Variants in CRNKL1 observed in about 807,000 individuals in gnomAD.
The protein encoded by CRNKL1 is crooked neck pre-mRNA splicing factor 1.
CRNKL1 carries 35 observed loss-of-function variants against 103.7 expected under a neutral mutation model. The observed-to-expected ratio is 0.34, with a 90% confidence interval of 0.26 to 0.45. The LOEUF is 0.45. CRNKL1 is among the 20% of genes least tolerant of loss of function. CRNKL1 has a pLI of 1.00. For synonymous variants in CRNKL1, 267 were observed against 282.6 expected (o/e 0.94, Z 0.55); for missense variants, 645 against 836.0 (o/e 0.77, Z 2.82).
At position 20,052,275 on chromosome 20, in the gene CRNKL1, C is replaced by T. The variant is rs1830985066; in HGVS notation, c.51+17G>A. The T allele has an allele frequency of 3.1e-6, 5 of 1,599,598 alleles. 1 individual carries two copies. Among genetic ancestry groups the T allele is most frequent in the African/African-American group, 1.3e-5 (1 of 74,818 alleles). On this transcript the variant is annotated intron_variant, in intron 1 of 13. Transcript: ENST00000536226. Reference sequence around the variant, plus strand: ...TTTCCTAGGCCACCTCCTACAAGGCCCCTCGCGATCGCCTACCTTGGCCAC... The same window carrying T: ...TTTCCTAGGCCACCTCCTACAAGGCTCCTCGCGATCGCCTACCTTGGCCAC...
Position 20,038,356 on chromosome 20 carries a change from TG to T in CRNKL1, c.1639del (p.His547MetfsTer21). 6.5e-7 allele frequency: 1 copy of T among 1,546,636 alleles called. No homozygotes were observed. Among genetic ancestry groups the T allele is most frequent in the Non-Finnish European group, 8.8e-7 (1 of 1,142,360 alleles). On this transcript the variant is annotated frameshift_variant, in exon 12 of 14. Coordinates refer to ENST00000536226, the MANE Select transcript of CRNKL1 (RefSeq NM_001278628.2). LOFTEE classifies it high-confidence loss of function. ...TCTACAAAGCAAGGATACCTTGACATGCTGCGTCCGTTGAAGCAACCGCCGG... is the reference window on the plus strand; with the variant it reads ...TCTACAAAGCAAGGATACCTTGACATCTGCGTCCGTTGAAGCAACCGCCGG... ...LYRRLLQRTQ[H>X]VKVWISFAQF...
chr20:20,052,726 C>T (rs762528371), upstream of CRNKL1: 88 of 1,600,920 alleles, frequency 5.5e-5, no homozygotes, highest in South Asian at 9.3e-4. Context: ...TGGCGCCCTG[C>T]AAGGGAGTAA....
chr20:20,054,009 G>GTTTTGTTTTGTT (rs1491456523), upstream of CRNKL1, among the ~76,000 whole-genome samples: 28 of 88,854 alleles, frequency 3.2e-4, no homozygotes, highest in South Asian at 7.3e-4. Context: ...TGTTTTTTTT[G>GTTTTGTTTTGTT]TTTGTTTTTT....
At chr20:20,043,089 G>A (rs1393616814) in intron 7 of CRNKL1, among the ~76,000 whole-genome samples, 3 of 152,188 alleles carry the variant, frequency 2.0e-5, no homozygotes, top group East Asian at 1.9e-4. Context: ...AAGAGATGCC[G>A]ATGGAACCCT....
intron 7 of CRNKL1, among the ~76,000 whole-genome samples, chr20:20,042,857 CG>C (rs1302139036): frequency 1.3e-5 from 2 of 152,204 alleles, no homozygotes; most frequent in Admixed American, 1.3e-4. Context: ...ACAACAGAAT[CG>C]TATCATGCTC....
chr20:20,052,594 G>C, upstream of CRNKL1: 1 of 1,613,834 alleles, frequency 6.2e-7, no homozygotes, highest in Non-Finnish European at 8.5e-7. Flanking sequence ...CGGATGAGGT[G>C]GGTAACGCCG....
At chr20:20,040,933 C>G (rs781760677) in intron 9 of CRNKL1, among the ~76,000 whole-genome samples, 167 bp from the exon 10 acceptor site, 1 of 152,182 alleles carries the variant, frequency 6.6e-6, no homozygotes, top group Non-Finnish European at 1.5e-5. Flanking sequence ...ACATTCATTT[C>G]ACAAAAGTTA....
In CRNKL1 at chr20:20,037,475, G is replaced by C. The variant is rs2043439447; in HGVS notation, c.1744C>G (p.Arg582Gly). 5 of 1,614,036 alleles carry C rather than the reference G, an allele frequency of 3.1e-6. No homozygotes were observed. In the South Asian group the frequency reaches 4.4e-5, roughly 14 times the overall value. The change falls in exon 13 of 14, where the codon CGA becomes GGA. Residue 582 changes from arginine to glycine, a missense_variant. By Grantham distance (125) the Arg-to-Gly change is moderately radical (BLOSUM62 -2). Transcript: ENST00000536226. ...CTCTCTTCCTTTTCTTCACAGTTTC[G>C]CATGGTTTTGTTAGCTTCTTCATAA... ...QIYEEANKTM[R>G]NCEEKEERLM...
At chr20:20,039,549 A>T (rs200813906) in intron 11 of CRNKL1, 60 bp downstream of exon 11, 8 of 1,591,052 alleles carry the variant, frequency 5.0e-6, no homozygotes, top group Non-Finnish European at 6.9e-6. Context: ...TTAGATGGTC[A>T]TCTAAAGTAA....
upstream of CRNKL1, chr20:20,052,700 T>A (rs1312577168): frequency 5.0e-6 from 8 of 1,611,714 alleles, no homozygotes; most frequent in Non-Finnish European, 6.8e-6. Context: ...CGAGGACGAG[T>A]GGCTCTGTCG....
At chr20:20,055,795 T>C (rs2044277178), upstream of CRNKL1, among the ~76,000 whole-genome samples, 1 of 152,222 alleles carries the variant, frequency 6.6e-6, no homozygotes, top group African/African-American at 2.4e-5. Flanking sequence ...ACATTATTAA[T>C]TTCTCCTTCA....
rs1297579193 is a variant in CRNKL1, at chr20:20,045,475, G to A, written c.634C>T (p.His212Tyr). Residue 212 changes from histidine (H) to tyrosine (Y), a missense_variant, in exon 6 of 14, where the codon CAC (histidine) becomes TAC (tyrosine). By Grantham distance (83) the His-to-Tyr change is moderately conservative. This residue lies in a region of CRNKL1 where 582 missense variants were observed against 707.7 expected (regional missense o/e 0.82). Coordinates refer to ENST00000536226, the MANE Select transcript of CRNKL1 (RefSeq NM_001278628.2). Reference sequence around the variant, plus strand: ...TTGATCCAGTTCTTAACATCAGGGTGCACGAGGACAAGTGCAAGGGAATTA... The same window carrying A: ...TTGATCCAGTTCTTAACATCAGGGTACACGAGGACAAGTGCAAGGGAATTA... ...RTIYERFVLV[H>Y]PDVKNWIKYA... 1 of 1,607,230 alleles carries A rather than the reference G, an allele frequency of 6.2e-7. No homozygotes were observed. Among genetic ancestry groups the A allele is most frequent in the Non-Finnish European group, 8.5e-7 (1 of 1,176,644 alleles).
At chr20:20,054,031 T>TTTTTTTTTTTTTG (rs2044052317), upstream of CRNKL1, among the ~76,000 whole-genome samples, 1 of 150,352 alleles carries the variant, frequency 6.7e-6, no homozygotes, top group Non-Finnish European at 1.5e-5. Context: ...TTTTTTTTTT[T>TTTTTTTTTTTTTG]TTTAGGAAAA....
At chr20:20,036,996 G>GATA (rs1297731127) in intron 13 of CRNKL1, among the ~76,000 whole-genome samples, 1 of 152,120 alleles carries the variant, frequency 6.6e-6, no homozygotes, top group East Asian at 1.9e-4. Flanking sequence ...AGCCTTCTCT[G>GATA]GATAGGCTCC....
intron 1 of CRNKL1, among the ~76,000 whole-genome samples, chr20:20,052,057 G>C (rs1016025824): frequency 4.6e-5 from 7 of 151,982 alleles, no homozygotes; most frequent in Non-Finnish European, 1.5e-5. Context: ...AATCTTCACC[G>C]AACCACCCCA....
chr20:20,045,304 T>C lies in CRNKL1; in HGVS notation c.801+4A>G. 1 of 1,608,352 alleles carries C rather than the reference T, an allele frequency of 6.2e-7. No homozygotes were observed. The highest frequency in any genetic ancestry group is 8.5e-7 in the Non-Finnish European group (1 of 1,176,630). ...TACAGTATAATGAAGTTAGGTATAC[T>C]TACCTCTTTCTGATTTTCTTCAAAC... is the stretch of plus-strand genomic sequence containing the variant. On this transcript the variant is annotated splice_donor_region_variant and intron_variant, in intron 6 of 13. Transcript: ENST00000536226.
chr20:20,038,524 G>T, intron 11 of CRNKL1, 74 bp from the exon 12 acceptor site: 1 of 802,152 alleles, frequency 1.2e-6, no homozygotes, highest in Non-Finnish European at 2.1e-6. Flanking sequence ...CACAGCTGAA[G>T]TATCACTCTA....
intron 9 of CRNKL1, among the ~76,000 whole-genome samples, chr20:20,041,043 C>T (rs1262236318): frequency 9.2e-5 from 14 of 152,212 alleles, no homozygotes; most frequent in African/African-American, 2.7e-4. Context: ...CTGTATGGCA[C>T]GGTAGCCTCT....
At chr20:20,049,531 T>TA in intron 2 of CRNKL1, 100 bp from the exon 3 acceptor site, 1 of 632,690 alleles carries the variant, frequency 1.6e-6, no homozygotes, top group South Asian at 2.1e-5. Context: ...TTATTCATTT[T>TA]GTTCATATTT....
Sources: allele counts gnomAD v4.1 joint callset (sites outside exome capture counted in the v4.1 genomes callset), GRCh38; gene constraint gnomAD v4.1.1; regional missense constraint gnomAD v4.1.1; transcripts MANE v1.5; gene names NCBI Gene and HGNC (gene_info 2026-07-23, HGNC 2026-07-21).